The following ADGRG4 variants were observed in gnomAD, a reference collection of about 807,000 sequenced individuals.
ADGRG4 encodes adhesion G protein-coupled receptor G4.
In ADGRG4, 122 loss-of-function variants were observed where a neutral mutation model predicts 126.2. The observed-to-expected ratio is 0.97, with a 90% confidence interval of 0.83 to 1.12. The LOEUF (loss-of-function observed/expected upper bound fraction) is 1.12. Ranked by LOEUF, ADGRG4 falls within the 50% of genes most tolerant of loss-of-function variation. The probability of loss-of-function intolerance (pLI) is 0.00; values close to 1 mark genes in which losing one functional copy is unlikely to be tolerated. For missense variants in ADGRG4, 2,481 were observed against 2,251.8 expected (o/e 1.10, Z -2.06); for synonymous variants, 943 against 838.7 (o/e 1.12, Z -2.15).
Position 136,399,894 on chromosome X carries a change from A to T in ADGRG4, c.8353A>T (p.Thr2785Ser). 3 of 1,208,348 alleles carry T rather than the reference A, an allele frequency of 2.5e-6. No homozygotes were observed. The highest frequency in any genetic ancestry group is 3.4e-6 in the Non-Finnish European group (3 of 892,676). The change falls in exon 21 of 26, where the codon ACA becomes TCA. Residue 2785 changes from threonine (T) to serine (S), a missense_variant. Physicochemically the swap from Thr to Ser is moderately conservative, Grantham distance 58. Transcript: ENST00000394143. The stretch of plus-strand genomic sequence containing the variant: ...TGCCAAAATTCTGATCAACCTGTGC[A>T]CAGCACTACTGATGCTAAACCTGGT... ...YPAKILINLC[T>S]ALLMLNLVFL...
intron 8 of ADGRG4, among the ~76,000 whole-genome samples, chrX:136,355,883 G>T (rs747767421): frequency 9.0e-6 from 1 of 111,549 alleles, no homozygotes; most frequent in African/African-American, 3.3e-5. Context: ...CACTTTTGCT[G>T]GTACCATTAT....
chrX:136,375,036 C>A (rs186066019), intron 15 of ADGRG4, among the ~76,000 whole-genome samples: 69 of 110,129 alleles, frequency 6.3e-4, no homozygotes, highest in Non-Finnish European at 1.0e-3. Context: ...TCACCCCCCC[C>A]ACCACTCTTT....
rs1337551448 is a variant in ADGRG4, at chrX:136,347,385, G to A, written c.3679G>A (p.Val1227Ile). ...HISANKLTTS[V>I]NSHISSSATY... ...CTCTGCCAATAAGTTGACTACTTCA[G>A]TAAACAGTCACATTTCTTCATCTGC... Residue 1227 changes from valine (V) to isoleucine (I), a missense_variant, in exon 6 of 26, where the codon GTA becomes ATA. Physicochemically the swap from Val to Ile is conservative, Grantham distance 29 (BLOSUM62 3). Coordinates refer to ENST00000394143, the MANE Select transcript of ADGRG4 (RefSeq NM_153834.4). 1 of 1,208,077 alleles carries A rather than the reference G, an allele frequency of 8.3e-7. No individual in the cohort carries two copies. Among genetic ancestry groups the A allele is most frequent in the South Asian group, 1.8e-5 (1 of 56,710 alleles).
intron 19 of ADGRG4, 132 bp downstream of exon 19, chrX:136,395,625 A>G (rs1034864887): frequency 5.3e-6 from 2 of 375,158 alleles, no homozygotes; most frequent in Admixed American, 9.9e-5. Flanking sequence ...GTTCATCCAA[A>G]GTAGATCAGA....
In ADGRG4 at chrX:136,345,694, C is replaced by A. The variant is rs745941988; in HGVS notation, c.1988C>A (p.Ala663Asp). Residue 663 changes from alanine to aspartate, a missense_variant, in exon 6 of 26, where the codon GCC becomes GAC. By Grantham distance (126) the Ala-to-Asp change is moderately radical. Transcript: ENST00000394143. ...ETIWTSRPDQ[A>D]LLASMNTTTI... The stretch of plus-strand genomic sequence containing the variant: ...ATTTGGACTTCTAGGCCAGACCAGG[C>A]CCTGCTGGCATCTATGAACACAACC... 2 of 1,211,237 alleles carry A rather than the reference C, an allele frequency of 1.7e-6. No individual in the cohort carries two copies. The highest frequency in any genetic ancestry group is 2.2e-6 in the Non-Finnish European group (2 of 895,047).
chrX:136,349,237 A>T lies in ADGRG4; in HGVS notation c.5531A>T (p.Glu1844Val). 1 of 1,203,715 alleles carries T rather than the reference A, an allele frequency of 8.3e-7. No individual in the cohort carries two copies. Among genetic ancestry groups the T allele is most frequent in the African/African-American group, 1.7e-5 (1 of 57,463 alleles). Residue 1844 changes from glutamate (E) to valine (V), a missense_variant, in exon 6 of 26, where the codon GAA becomes GTA. Glu to Val is a moderately radical substitution (Grantham distance 121). Transcript: ENST00000394143. The stretch of plus-strand genomic sequence containing the variant: ...TTTGTTTATTCACCTCATAGTACTG[A>T]AGCTGAGATCTCTACTCCAAAGACC... ...TSFVYSPHSTEAEISTPKTSP... is the reference protein window; with the variant it reads ...TSFVYSPHSTVAEISTPKTSP...
At chrX:136,304,441 A>G (rs1298376615) in intron 2 of ADGRG4, among the ~76,000 whole-genome samples, 1 of 112,430 alleles carries the variant, frequency 8.9e-6, no homozygotes. Context: ...TCTAGAAGCA[A>G]CTATTCTTAC....
intron 20 of ADGRG4, among the ~76,000 whole-genome samples, chrX:136,399,563 C>T (rs2075368637): frequency 9.1e-6 from 1 of 109,786 alleles, no homozygotes; most frequent in African/African-American, 3.3e-5. Flanking sequence ...GTGATAGACT[C>T]ATAGTACCCA....
chrX:136,318,394 G>A (rs190938534), intron 4 of ADGRG4, among the ~76,000 whole-genome samples: 1 of 112,156 alleles, frequency 8.9e-6, no homozygotes, highest in Admixed American at 9.5e-5. Flanking sequence ...CAAACTGAGA[G>A]TGAGTGCTTA....
chrX:136,356,776 T>C (rs1188902129), intron 9 of ADGRG4, among the ~76,000 whole-genome samples: 1 of 111,980 alleles, frequency 8.9e-6, no homozygotes, highest in Non-Finnish European at 1.9e-5. Flanking sequence ...GGTGGGAGGA[T>C]TGCTTGAGGC....
Position 136,347,288 on chromosome X carries a change from T to A in ADGRG4, c.3582T>A (p.Gly1194=). 1 of 1,211,379 alleles carries A rather than the reference T, an allele frequency of 8.3e-7. No individual in the cohort carries two copies. Among genetic ancestry groups the A allele is most frequent in the East Asian group, 3.0e-5 (1 of 33,828 alleles). ...GCTTCCCATATACTTTCAGTGGTGG[T>A]GGAGTTGTTGCCAGCTTGGCTACTG... ...ALSFPYTFSG[G]GVVASLATGT... is the part of the protein sequence containing the mutation. Residue 1194 remains glycine (G), a synonymous_variant, in exon 6 of 26, where the codon GGT becomes GGA. Coordinates refer to ENST00000394143, the MANE Select transcript of ADGRG4 (RefSeq NM_153834.4).
At chrX:136,312,883 C>T (rs1171873703) in intron 4 of ADGRG4, among the ~76,000 whole-genome samples, 1 of 111,736 alleles carries the variant, frequency 8.9e-6, no homozygotes, top group Non-Finnish European at 1.9e-5. Flanking sequence ...CTATTCTGGA[C>T]GTTTCAGGTA....
At chrX:136,326,221 T>G in intron 5 of ADGRG4, among the ~76,000 whole-genome samples, 1 of 112,685 alleles carries the variant, frequency 8.9e-6, no homozygotes, top group East Asian at 2.8e-4. Context: ...AGAATGGCCT[T>G]GAAGGAGTTG....
chrX:136,408,982 G>C (rs1056843675), intron 23 of ADGRG4, among the ~76,000 whole-genome samples: 12 of 109,489 alleles, frequency 1.1e-4, no homozygotes, highest in African/African-American at 3.7e-4. Flanking sequence ...TGCCTAAAAT[G>C]ACTGCAAGAT....
rs374015119 is a variant in ADGRG4 at position 136,303,144 on chromosome X, A to T, written c.-253-989A>T. ...GAAACCATATGGGCAATATAGCAAG[A>T]TTCTATCTCTACAAAAAATACAAAA... On this transcript the variant is annotated intron_variant, in intron 1 of 25. Transcript: ENST00000394143. Among the ~76,000 whole-genome samples, 31 of 112,249 alleles carry T rather than the reference A, an allele frequency of 2.8e-4. No individual in the cohort carries two copies. In the East Asian group the frequency reaches 8.1e-3, roughly 29 times the overall value.
chrX:136,388,054 C>T (rs1325447647), intron 16 of ADGRG4, among the ~76,000 whole-genome samples, 180 bp downstream of exon 16: 3 of 112,237 alleles, frequency 2.7e-5, no homozygotes, highest in African/African-American at 9.7e-5. Context: ...TGATGTTCTA[C>T]AGTTTTTAGT....
chrX:136,380,595 CTCCTCCTCCTCTTCTTCT>C (rs2075254988), intron 15 of ADGRG4, among the ~76,000 whole-genome samples: 1 of 76,929 alleles, frequency 1.3e-5, no homozygotes, highest in African/African-American at 4.9e-5. Context: ...CCTCCTCCTC[CTCCTCCTCCTCTTCTTCT>C]TCTTCTTCTT....
rs1432308938 is a variant in ADGRG4 at position 136,322,817 on chromosome X, G to A, written c.110G>A (p.Gly37Glu). The A allele has an allele frequency of 1.7e-6, 2 of 1,188,288 alleles. No individual in the cohort carries two copies. The highest frequency in any genetic ancestry group is 3.6e-5 in the African/African-American group (2 of 56,241). Reference sequence around the variant, plus strand: ...AAAGGAAAAAAGCTGGATTTTTTTGGAAGAGGTGACACATATGTAAGCCTG... The same window carrying A: ...AAAGGAAAAAAGCTGGATTTTTTTGAAAGAGGTGACACATATGTAAGCCTG... Reference protein sequence around the residue: ...SLKGKKLDFFGRGDTYVSLID... With the variant: ...SLKGKKLDFFERGDTYVSLID... Residue 37 changes from glycine to glutamate, a missense_variant, in exon 5 of 26, where the codon GGA becomes GAA. Physicochemically the swap from Gly to Glu is moderately conservative, Grantham distance 98. Transcript: ENST00000394143.
intron 15 of ADGRG4, among the ~76,000 whole-genome samples, chrX:136,385,651 A>G (rs1238739316): frequency 8.9e-6 from 1 of 111,765 alleles, no homozygotes; most frequent in African/African-American, 3.2e-5. Flanking sequence ...TTCTTCACGT[A>G]TTGAGTAATT....
Sources: allele counts gnomAD v4.1 joint callset (sites outside exome capture counted in the v4.1 genomes callset), GRCh38; gene constraint gnomAD v4.1.1; transcripts MANE v1.5; gene names NCBI Gene and HGNC (gene_info 2026-07-23, HGNC 2026-07-21).